HSPA4L: variants seen among roughly 807,000 people sequenced by gnomAD.
The protein encoded by HSPA4L is heat shock 70 kDa protein 4L.
A neutral mutation model predicts 100.3 loss-of-function variants in HSPA4L; 48 were observed. The observed-to-expected ratio is 0.48, with a 90% confidence interval of 0.38 to 0.61. HSPA4L has a LOEUF of 0.61. Among genes scored for constraint, HSPA4L ranks in the 20% least tolerant of loss-of-function variants. HSPA4L has a pLI of 0.00. For missense variants in HSPA4L, 886 were observed against 988.6 expected, an observed-to-expected ratio of 0.90 and a Z score of 1.39; for synonymous variants, 319 against 328.2, an observed-to-expected ratio of 0.97 and a Z score of 0.30.
chr4:127,796,965 TAAG>T (rs1385167642), intron 3 of HSPA4L, among the ~76,000 whole-genome samples: 3 of 152,196 alleles, frequency 2.0e-5, no homozygotes, highest in African/African-American at 4.8e-5. Flanking sequence ...AATTATCTCT[TAAG>T]AAAGTTATTT....
rs781402610 is a variant in HSPA4L at position 127,803,638 on chromosome 4, A to G, written c.673A>G (p.Thr225Ala). The change falls in exon 7 of 19, where the codon ACT becomes GCT. Residue 225 changes from threonine (T) to alanine (A), a missense_variant. Transcript: ENST00000296464. Reference protein sequence around the residue: ...FNKGKLKVLATTFDPYLGGRN... With the variant: ...FNKGKLKVLAATFDPYLGGRN... Reference sequence around the variant, plus strand: ...TTTTTCAATTAAACAGGTCTTGGCTACTACCTTTGATCCATATTTGGGTGG... The same window carrying G: ...TTTTTCAATTAAACAGGTCTTGGCTGCTACCTTTGATCCATATTTGGGTGG... 9 of 1,611,702 alleles carry G rather than the reference A, an allele frequency of 5.6e-6. No homozygotes were observed. In the African/African-American group the frequency reaches 6.7e-5, roughly 12 times the overall value.
In HSPA4L at chr4:127,832,737, G is replaced by C. The variant is rs762310262; in HGVS notation, c.2383G>C (p.Val795Leu). 6.2e-7 allele frequency: 1 copy of C among 1,613,026 alleles called. No individual in the cohort carries two copies. The highest frequency in any genetic ancestry group is 8.5e-7 in the Non-Finnish European group (1 of 1,179,474). The part of the protein sequence containing the change: ...IIYKPKPKAE[V>L]PEDKPKANSE... ...TTACAAGCCCAAACCAAAAGCAGAA[G>C]TTCCTGAAGACAAACCAAAAGCTAA... The change falls in exon 19 of 19, where the codon GTT (valine) becomes CTT (leucine). Residue 795 changes from valine (V) to leucine (L), a missense_variant. Coordinates refer to ENST00000296464, the MANE Select transcript of HSPA4L (RefSeq NM_014278.4).
intron 11 of HSPA4L, among the ~76,000 whole-genome samples, chr4:127,810,062 CTTCTATAAACATCTTCTATAAA>C (rs1733481835): frequency 1.3e-5 from 2 of 151,988 alleles, no homozygotes; most frequent in Admixed American, 6.6e-5. Context: ...TAAACATATT[CTTCTATAAACATCTTCTATAAA>C]CCATCTTCTA....
Position 127,783,436 on chromosome 4 carries a change from T to G in HSPA4L, c.107+779T>G, listed in dbSNP as rs1040534756. ...CGGAGTCGGGGGCAGCTGTCCCGTA[T>G]AAACATGACTGTGGAGTGATTCTAT... is the stretch of plus-strand genomic sequence containing the variant. On this transcript the variant is annotated intron_variant, in intron 1 of 18. Transcript: ENST00000296464. 4.6e-6 allele frequency: 6 copies of G among 1,308,092 alleles called. No individual in the cohort carries two copies. The African/African-American group carries it at 8.9e-5, about 19-fold the overall frequency. 81.0% of individuals were successfully genotyped at this position (1,308,092 alleles called of 1,614,324 possible). A position where few individuals can be genotyped will look rare whatever the true frequency, so the allele number is the denominator to read the frequency against.
At chr4:127,829,663 AGGTG>A (rs1021471821) in intron 17 of HSPA4L, among the ~76,000 whole-genome samples, 3 of 152,106 alleles carry the variant, frequency 2.0e-5, no homozygotes, top group Non-Finnish European at 4.4e-5. Flanking sequence ...TGGGAAGAGT[AGGTG>A]GGGACATAAT....
At chr4:127,782,241 G>A (rs115971854), upstream of HSPA4L, 7,807 of 401,034 alleles carry the variant, frequency 0.019, 478 homozygotes, top group African/African-American at 0.14. Context: ...CGGGCGCGGA[G>A]CGGAGGCTCG....
At chr4:127,832,631 G>T in intron 18 of HSPA4L, 52 bp from the exon 19 acceptor site, 1 of 1,388,694 alleles carries the variant, frequency 7.2e-7, no homozygotes, top group Non-Finnish European at 9.8e-7. Flanking sequence ...GAAAGTTAAT[G>T]GTAACTTGTT....
At chr4:127,828,968 A>G (rs1278346951) in intron 17 of HSPA4L, among the ~76,000 whole-genome samples, 2 of 152,206 alleles carry the variant, frequency 1.3e-5, no homozygotes, top group African/African-American at 2.4e-5. Flanking sequence ...TATATTGTCA[A>G]ACAAAACATT....
intron 1 of HSPA4L, among the ~76,000 whole-genome samples, 188 bp downstream of exon 1, chr4:127,782,845 G>A (rs751179056): frequency 6.6e-6 from 1 of 151,916 alleles, no homozygotes; most frequent in South Asian, 2.1e-4. Context: ...TCCTCGCCCC[G>A]CAAAGCTTCT....
chr4:127,811,114 A>G (rs1315541782), intron 11 of HSPA4L, among the ~76,000 whole-genome samples: 2 of 152,078 alleles, frequency 1.3e-5, no homozygotes, highest in Non-Finnish European at 2.9e-5. Context: ...TTGGTTTTAG[A>G]ATAGCAGTAT....
At chr4:127,831,143 C>T (rs560214474) in intron 18 of HSPA4L, among the ~76,000 whole-genome samples, 6 of 152,118 alleles carry the variant, frequency 3.9e-5, no homozygotes, top group Non-Finnish European at 7.4e-5. Flanking sequence ...TAGTTTGAAG[C>T]GTATAAACTT....
intron 14 of HSPA4L, among the ~76,000 whole-genome samples, chr4:127,821,321 A>C (rs1257550551): frequency 6.6e-6 from 1 of 152,142 alleles, no homozygotes; most frequent in Non-Finnish European, 1.5e-5. Context: ...GTAGGGAAGC[A>C]CAGTTTTGGG....
At chr4:127,790,111 T>A (rs1732831539) in intron 1 of HSPA4L, among the ~76,000 whole-genome samples, 1 of 152,230 alleles carries the variant, frequency 6.6e-6, no homozygotes, top group Non-Finnish European at 1.5e-5. Context: ...TAGCTTTCTT[T>A]GTGAAGCGAT....
chr4:127,820,080 T>C (rs554793574), intron 13 of HSPA4L, among the ~76,000 whole-genome samples: 1 of 152,278 alleles, frequency 6.6e-6, no homozygotes, highest in South Asian at 2.1e-4. Flanking sequence ...CCCAACTGTT[T>C]TCCAGAATGG....
intron 11 of HSPA4L, among the ~76,000 whole-genome samples, chr4:127,810,518 A>C (rs1338964334): frequency 2.0e-5 from 3 of 152,074 alleles, no homozygotes; most frequent in African/African-American, 7.2e-5. Context: ...AGCACTTTGG[A>C]AGGCTGAGGC....
At position 127,839,228 on chromosome 4, in the gene HSPA4L, TG is replaced by T. The variant is rs1734305786; in HGVS notation, c.*6358del. On this transcript the variant is annotated 3_prime_UTR_variant, in exon 19 of 19. Transcript: ENST00000296464. ...TAGAGTTTCCTAAATTTTTTGCTTCTGGGGACTTGAGTATTTTTAAATGTTC... is the reference window on the plus strand; with the variant it reads ...TAGAGTTTCCTAAATTTTTTGCTTCTGGGACTTGAGTATTTTTAAATGTTC... 1 of 152,210 alleles carries T rather than the reference TG, an allele frequency of 6.6e-6. No homozygotes were observed. Among genetic ancestry groups the T allele is most frequent in the Admixed American group, 6.5e-5 (1 of 15,274 alleles). 9.4% of individuals were successfully genotyped at this position (152,210 alleles called of 1,614,324 possible).
Position 127,803,717 on chromosome 4 carries a change from A to C in HSPA4L, c.752A>C (p.Lys251Thr). 1.2e-6 allele frequency: 2 copies of C among 1,613,982 alleles called. No homozygotes were observed. The highest frequency in any genetic ancestry group is 2.2e-5 in the South Asian group (2 of 91,076). The change falls in exon 7 of 19, where the codon AAA becomes ACA. Residue 251 changes from lysine to threonine, a missense_variant. Physicochemically the swap from Lys to Thr is moderately conservative, Grantham distance 78. Coordinates refer to ENST00000296464, the MANE Select transcript of HSPA4L (RefSeq NM_014278.4). ...VDYFCDEFKT[K>T]YKINVKENSR... ...TACTTCTGTGATGAGTTCAAGACCA[A>C]ATATAAGATAAATGTGAAAGAAAAC...
At chr4:127,799,202 AC>A (rs1438238549) in intron 4 of HSPA4L, among the ~76,000 whole-genome samples, 12 of 152,150 alleles carry the variant, frequency 7.9e-5, no homozygotes, top group African/African-American at 2.9e-4. Flanking sequence ...CTACTATTCA[AC>A]TTGACTACAA....
chr4:127,781,994 G>A, upstream of HSPA4L: 2 of 448,278 alleles, frequency 4.5e-6, no homozygotes, highest in Non-Finnish European at 8.9e-6. Flanking sequence ...CGGGCCGGCC[G>A]GTCGCCTGCC....
Sources: allele counts gnomAD v4.1 joint callset (sites outside exome capture counted in the v4.1 genomes callset), GRCh38; gene constraint gnomAD v4.1.1; transcripts MANE v1.5; gene names NCBI Gene and HGNC (gene_info 2026-07-23, HGNC 2026-07-21).